Variants in ACSM5 observed in about 807,000 individuals in gnomAD.
ACSM5 encodes acyl-coenzyme A synthetase ACSM5, mitochondrial.
Under a neutral mutation model 71.6 loss-of-function variants are expected in ACSM5, and 56 were observed. That is an observed-to-expected ratio of 0.78 (90% CI 0.63 to 0.98). The LOEUF (loss-of-function observed/expected upper bound fraction) is 0.98, where lower values mean the gene tolerates loss of function less well. Among genes scored for constraint, ACSM5 ranks in the 50% least tolerant of loss-of-function variants. ACSM5 has a pLI of 0.00. For synonymous variants in ACSM5, 285 were observed against 281.5 expected, an observed-to-expected ratio of 1.01 and a Z score of -0.12; for missense variants, 723 against 726.0, an observed-to-expected ratio of 1.00 and a Z score of 0.05.
chr16:20,434,592 G>A (rs1348939485), intron 10 of ACSM5, among the ~76,000 whole-genome samples: 1 of 152,186 alleles, frequency 6.6e-6, no homozygotes, highest in African/African-American at 2.4e-5. Flanking sequence ...TACTTGGGAG[G>A]CTGAGACAGG....
intron 13 of ACSM5, 69 bp from the exon 14 acceptor site, chr16:20,440,275 T>C: frequency 8.9e-7 from 1 of 1,122,808 alleles, no homozygotes; most frequent in Non-Finnish European, 1.3e-6. Context: ...GTATTGTCTC[T>C]TTCAAAACAA....
rs1966867767 is a variant in ACSM5, at chr16:20,419,345, C to T, written c.533C>T (p.Ala178Val). The T allele has an allele frequency of 1.2e-6, 2 of 1,614,056 alleles. No homozygotes were observed. The highest frequency in any genetic ancestry group is 1.7e-5 in the Admixed American group (1 of 60,004). ...GACTCCCTAGCTCCAAGGGTGGATG[C>T]CATCAGTGCCGAATGCCCCTCCCTC... ...TSDSLAPRVD[A>V]ISAECPSLQT... The change falls in exon 4 of 14, where the codon GCC (alanine) becomes GTC (valine). Residue 178 changes from alanine to valine, a missense_variant. Ala to Val is a moderately conservative substitution (Grantham distance 64, BLOSUM62 0). Coordinates refer to ENST00000331849, the MANE Select transcript of ACSM5 (RefSeq NM_017888.3).
intron 1 of ACSM5, 83 bp from the exon 2 acceptor site, chr16:20,411,387 A>G (rs9927595): frequency 0.078 from 87,679 of 1,121,846 alleles, 5,516 homozygotes; most frequent in African/African-American, 0.29. Flanking sequence ...CATCAGCACT[A>G]ACCACAGGTT....
At chr16:20,435,361 A>G (rs1967171574) in intron 10 of ACSM5, among the ~76,000 whole-genome samples, 3 of 152,174 alleles carry the variant, frequency 2.0e-5, no homozygotes, top group Admixed American at 2.0e-4. Context: ...CTTTATTTAT[A>G]TCTTCTTTAA....
chr16:20,429,827 T>C (rs1229393596), intron 8 of ACSM5, 26 bp downstream of exon 8: 2 of 1,609,246 alleles, frequency 1.2e-6, no homozygotes. Flanking sequence ...GCCAGGTCCC[T>C]ACCCCCCAGG....
chr16:20,429,602 T>C (rs1441686012), intron 7 of ACSM5, 76 bp from the exon 8 acceptor site: 13 of 1,598,922 alleles, frequency 8.1e-6, no homozygotes, highest in Non-Finnish European at 1.1e-5. Context: ...GGTGTTTGCA[T>C]CTGGGCAGTG....
intron 10 of ACSM5, among the ~76,000 whole-genome samples, chr16:20,432,153 C>T (rs1487004096): frequency 6.6e-6 from 1 of 152,002 alleles, no homozygotes; most frequent in African/African-American, 2.4e-5. Flanking sequence ...TTCTTTTCTT[C>T]ACAGCTTTCT....
At chr16:20,417,938 T>C in intron 2 of ACSM5, 121 bp from the exon 3 acceptor site, 1 of 964,034 alleles carries the variant, frequency 1.0e-6, no homozygotes, top group East Asian at 2.6e-5. Context: ...CTTTCCATAT[T>C]GCTTTGCTTT....
intron 10 of ACSM5, among the ~76,000 whole-genome samples, 163 bp downstream of exon 10, chr16:20,431,484 G>A (rs899857417): frequency 6.6e-6 from 1 of 152,118 alleles, no homozygotes; most frequent in Admixed American, 6.5e-5. Flanking sequence ...GACTATTATT[G>A]ATAAGGAAGC....
intron 1 of ACSM5, among the ~76,000 whole-genome samples, chr16:20,410,651 T>C (rs188904139): frequency 6.6e-6 from 1 of 152,250 alleles, no homozygotes; most frequent in Non-Finnish European, 1.5e-5. Flanking sequence ...GAAGGACTGC[T>C]TGAGTTTGAG....
rs1967093508 is a variant in ACSM5, at chr16:20,431,262, G to A, written c.1249G>A (p.Gly417Arg). ...EGNVLPPGEE[G>R]NVAVRIRPTR... ...CAACGTCCTGCCTCCTGGAGAAGAG[G>A]GGAATGTTGCCGTCCGTATCAGACC... Residue 417 changes from glycine to arginine, a missense_variant, in exon 10 of 14, where the codon GGG becomes AGG. By Grantham distance (125) the Gly-to-Arg change is moderately radical (BLOSUM62 -2). Coordinates refer to ENST00000331849, the MANE Select transcript of ACSM5 (RefSeq NM_017888.3). 2.5e-6 allele frequency: 4 copies of A among 1,614,010 alleles called. No homozygotes were observed. The highest frequency in any genetic ancestry group is 1.7e-6 in the Non-Finnish European group (2 of 1,180,032).
intron 12 of ACSM5, among the ~76,000 whole-genome samples, chr16:20,439,138 G>A (rs1330289079): frequency 2.0e-5 from 3 of 147,900 alleles, no homozygotes; most frequent in African/African-American, 5.1e-5. Context: ...TAACAGATAG[G>A]AATGCTGGAA....
chr16:20,423,177 C>T (rs778738536), intron 5 of ACSM5, among the ~76,000 whole-genome samples: 1 of 152,056 alleles, frequency 6.6e-6, no homozygotes, highest in Admixed American at 6.5e-5. Flanking sequence ...ACTGAGTGCC[C>T]GAGGCATTTC....
chr16:20,438,954 T>TAAA (rs1275195181), intron 12 of ACSM5, among the ~76,000 whole-genome samples: 2 of 92,684 alleles, frequency 2.2e-5, no homozygotes, highest in Admixed American at 1.3e-4. Flanking sequence ...GACTCTGTCT[T>TAAA]AAAAAAAAAA....
intron 6 of ACSM5, among the ~76,000 whole-genome samples, chr16:20,425,817 T>A: frequency 6.6e-6 from 1 of 151,942 alleles, no homozygotes; most frequent in Non-Finnish European, 1.5e-5. Context: ...CCACACTTTC[T>A]TTGCCCACCT....
At chr16:20,424,697 G>A (rs11643935) in intron 6 of ACSM5, among the ~76,000 whole-genome samples, 6,407 of 152,262 alleles carry the variant, frequency 0.042, 230 homozygotes, top group African/African-American at 0.095. Context: ...CCTTTGATTC[G>A]CTAGCTGTGT....
intron 3 of ACSM5, 110 bp from the exon 4 acceptor site, chr16:20,419,118 C>G: frequency 1.1e-6 from 1 of 869,908 alleles, no homozygotes; most frequent in African/African-American, 1.7e-5. Flanking sequence ...GTTACGTCTT[C>G]CAGCTCATGC....
At position 20,431,089 on chromosome 16, in the gene ACSM5, A is replaced by G; in HGVS notation, c.1206+16A>G. 2.5e-6 allele frequency: 4 copies of G among 1,610,624 alleles called. No homozygotes were observed. Among genetic ancestry groups the G allele is most frequent in the Non-Finnish European group, 3.4e-6 (4 of 1,178,216 alleles). ...CGATGTGCAGGTAGCAGCCTCCCCC[A>G]ACTTCTGGCAAGGCCTGGCATGGAG... On this transcript the variant is annotated intron_variant, in intron 9 of 13. Transcript: ENST00000331849.
Position 20,429,746 on chromosome 16 carries a change from A to C in ACSM5, c.1070A>C (p.Lys357Thr). Residue 357 changes from lysine to threonine, a missense_variant, in exon 8 of 14, where the codon AAG becomes ACG. Lys to Thr is a moderately conservative substitution (Grantham distance 78). Transcript: ENST00000331849. Reference protein sequence around the residue: ...GEALNPDVREKWKHQTGVELY... With the variant: ...GEALNPDVRETWKHQTGVELY... ...GCCCTCAACCCTGACGTGAGGGAGA[A>C]GTGGAAACACCAGACTGGTGTGGAG... is the stretch of plus-strand genomic sequence containing the variant. The C allele has an allele frequency of 6.2e-7, 1 of 1,611,844 alleles. No homozygotes were observed. The highest frequency in any genetic ancestry group is 8.5e-7 in the Non-Finnish European group (1 of 1,178,908).
Sources: gnomAD v4.1 joint callset for allele counts (sites outside exome capture counted in the v4.1 genomes callset) on GRCh38, gnomAD v4.1.1 for gene constraint, MANE v1.5 for transcripts, NCBI Gene and HGNC (gene_info 2026-07-23, HGNC 2026-07-21) for gene names.